The following KANK4 variants were observed in gnomAD, a reference collection of about 807,000 sequenced individuals.
The protein encoded by KANK4 is KN motif and ankyrin repeat domain-containing protein 4.
Under a neutral mutation model 80.8 loss-of-function variants are expected in KANK4, and 50 were observed. That is an observed-to-expected ratio of 0.62 (90% CI 0.49 to 0.78). The LOEUF is 0.78. KANK4 is among the 30% of genes least tolerant of loss of function. The pLI, the probability that KANK4 is intolerant of heterozygous loss-of-function variation, is 0.00. For missense variants in KANK4, 1,196 were observed against 1,240.1 expected, an observed-to-expected ratio of 0.96 and a Z score of 0.53; for synonymous variants, 465 against 506.9, an observed-to-expected ratio of 0.92 and a Z score of 1.11.
intron 9 of KANK4, among the ~76,000 whole-genome samples, chr1:62,239,306 GT>G (rs1671283783): frequency 6.6e-6 from 1 of 151,880 alleles, no homozygotes; most frequent in Non-Finnish European, 1.5e-5. Flanking sequence ...GCTATAAGAT[GT>G]TTCTCTATTC....
At chr1:62,258,414 C>T (rs1475426458) in intron 7 of KANK4, among the ~76,000 whole-genome samples, 1 of 152,204 alleles carries the variant, frequency 6.6e-6, no homozygotes, top group African/African-American at 2.4e-5. Context: ...TCCATGCATC[C>T]ATGAAGAACT....
intron 1 of KANK4, among the ~76,000 whole-genome samples, chr1:62,300,544 G>C (rs891539006): frequency 1.3e-5 from 2 of 152,106 alleles, no homozygotes; most frequent in African/African-American, 4.8e-5. Flanking sequence ...AAGTTAAGCA[G>C]GCAGATGGGA....
Position 62,238,115 on chromosome 1 carries a change from C to T in KANK4, c.*162G>A. ...CCTAAGGCAAAAACTACAAAGCATC[C>T]TAATGAGCAGAATTATACAACAGGA... On this transcript the variant is annotated 3_prime_UTR_variant, in exon 10 of 10. Transcript: ENST00000371153. 1.8e-6 allele frequency: 1 copy of T among 562,528 alleles called. No individual in the cohort carries two copies. The highest frequency in any genetic ancestry group is 3.2e-6 in the Non-Finnish European group (1 of 311,070). 34.8% of individuals were successfully genotyped at this position (562,528 alleles called of 1,614,324 possible). A position where few individuals can be genotyped will look rare whatever the true frequency, so the allele number is the denominator to read the frequency against.
rs576281244 is a variant in KANK4, at chr1:62,289,552, G to A, written c.-70-7918C>T. Reference sequence around the variant, plus strand: ...GACTGTCTCCCAGTACACTGCCTGCGTGTCCAATGGCACTGTCCAGTTTGT... The same window carrying A: ...GACTGTCTCCCAGTACACTGCCTGCATGTCCAATGGCACTGTCCAGTTTGT... On this transcript the variant is annotated intron_variant, in intron 1 of 9. Transcript: ENST00000371153. 4.6e-5 allele frequency among the ~76,000 whole-genome samples: 7 copies of A among 152,168 alleles called. No individual in the cohort carries two copies. The South Asian group carries it at 1.2e-3, about 27-fold the overall frequency.
intron 8 of KANK4, among the ~76,000 whole-genome samples, chr1:62,248,748 T>C (rs1424948510): frequency 1.3e-5 from 2 of 151,388 alleles, no homozygotes; most frequent in African/African-American, 4.8e-5. Flanking sequence ...TTTCCCCATG[T>C]TGACCAGGCT....
At chr1:62,254,398 T>C (rs1671699528) in intron 7 of KANK4, among the ~76,000 whole-genome samples, 2 of 150,738 alleles carry the variant, frequency 1.3e-5, no homozygotes, top group South Asian at 4.2e-4. Flanking sequence ...CCCGCCACCA[T>C]GCCTGGCTAA....
intron 7 of KANK4, among the ~76,000 whole-genome samples, chr1:62,261,162 T>C (rs375871494): frequency 0.02 from 2,960 of 146,956 alleles, 101 homozygotes; most frequent in African/African-American, 0.071. Flanking sequence ...CTTTTTTTTT[T>C]TTTTTTTTTT....
intron 4 of KANK4, among the ~76,000 whole-genome samples, chr1:62,269,591 C>T (rs973989414): frequency 6.6e-6 from 1 of 152,164 alleles, no homozygotes; most frequent in African/African-American, 2.4e-5. Context: ...GAACTGCTTC[C>T]ATAAAAACTT....
chr1:62,279,921 T>C (rs1043092979), intron 2 of KANK4, among the ~76,000 whole-genome samples: 1 of 152,140 alleles, frequency 6.6e-6, no homozygotes, highest in Non-Finnish European at 1.5e-5. Context: ...AACAGATCAC[T>C]AGATCCTTGT....
intron 6 of KANK4, among the ~76,000 whole-genome samples, chr1:62,263,751 C>G (rs1281071509): frequency 2.0e-5 from 3 of 152,182 alleles, no homozygotes; most frequent in South Asian, 2.1e-4. Context: ...GCTGGAAAAT[C>G]GCAACATCTT....
At chr1:62,245,621 C>T (rs1258695173) in intron 9 of KANK4, among the ~76,000 whole-genome samples, 1 of 152,198 alleles carries the variant, frequency 6.6e-6, no homozygotes, top group African/African-American at 2.4e-5. Flanking sequence ...AATCTCTGCT[C>T]TGCGAATCAG....
intron 2 of KANK4, among the ~76,000 whole-genome samples, chr1:62,278,799 C>A (rs1035267459): frequency 6.6e-6 from 1 of 152,114 alleles, no homozygotes; most frequent in African/African-American, 2.4e-5. Flanking sequence ...TCTTGTATTT[C>A]TCTCCATTAG....
chr1:62,311,550 C>A (rs1264679500), intron 1 of KANK4, among the ~76,000 whole-genome samples: 2 of 152,186 alleles, frequency 1.3e-5, no homozygotes, highest in African/African-American at 4.8e-5. Context: ...TCAGAACCCA[C>A]TTCAAAGCTA....
chr1:62,241,337 G>A (rs142752951), intron 9 of KANK4, among the ~76,000 whole-genome samples: 51 of 152,254 alleles, frequency 3.3e-4, no homozygotes, highest in African/African-American at 1.1e-3. Context: ...AAGATGGCTC[G>A]GGGGGAGGCA....
intron 2 of KANK4, among the ~76,000 whole-genome samples, chr1:62,279,282 C>T (rs11207956): frequency 0.28 from 42,164 of 151,686 alleles, 6,577 homozygotes; most frequent in South Asian, 0.35. Context: ...ACCTGCCATT[C>T]TGCATTCCTT....
chr1:62,270,057 G>A (rs1394207359), intron 4 of KANK4, among the ~76,000 whole-genome samples: 2 of 152,196 alleles, frequency 1.3e-5, no homozygotes, highest in South Asian at 2.1e-4. Flanking sequence ...GTCCAGGAGA[G>A]GAGGCCTTTA....
chr1:62,246,923 G>T (rs907250918), intron 9 of KANK4, among the ~76,000 whole-genome samples: 1 of 152,084 alleles, frequency 6.6e-6, no homozygotes, highest in African/African-American at 2.4e-5. Context: ...ACCAGGTCCA[G>T]CTAATTTTTG....
Position 62,259,948 on chromosome 1 carries a change from G to A in KANK4, c.2539+3144C>T, listed in dbSNP as rs189895772. ...CTAAACTCATAGATGACATTTGACCGAGGCCCATGCACTTTCGCTCAGCCT... is the reference window on the plus strand; with the variant it reads ...CTAAACTCATAGATGACATTTGACCAAGGCCCATGCACTTTCGCTCAGCCT... On this transcript the variant is annotated intron_variant, in intron 7 of 9. Transcript: ENST00000371153. Among the ~76,000 whole-genome samples the A allele has an allele frequency of 3.1e-4, 47 of 152,032 alleles. 1 individual carries two copies. Among genetic ancestry groups the A allele is most frequent in the Non-Finnish European group, 5.9e-5 (4 of 68,006 alleles).
intron 7 of KANK4, among the ~76,000 whole-genome samples, chr1:62,257,588 T>C (rs1025136533): frequency 1.3e-5 from 2 of 152,198 alleles, no homozygotes; most frequent in Admixed American, 6.5e-5. Context: ...TTCTCAATAA[T>C]GAGTCACTTC....
Sources: allele counts gnomAD v4.1 joint callset (sites outside exome capture counted in the v4.1 genomes callset), GRCh38; gene constraint gnomAD v4.1.1; transcripts MANE v1.5; gene names NCBI Gene and HGNC (gene_info 2026-07-23, HGNC 2026-07-21).